The following MTUS2 variants were observed in gnomAD, a reference collection of about 807,000 sequenced individuals.
The protein encoded by MTUS2 is microtubule-associated tumor suppressor candidate 2.
Under a neutral mutation model 114.1 loss-of-function variants are expected in MTUS2, and 40 were observed. The observed-to-expected ratio is 0.35, with a 90% CI of 0.27 to 0.46. The LOEUF (loss-of-function observed/expected upper bound fraction) is 0.46. Ranked by LOEUF, MTUS2 falls within the 20% of genes least tolerant of loss-of-function variation. MTUS2 has a pLI of 1.00. For missense variants in MTUS2, 1,679 were observed against 1,705.4 expected (o/e 0.98, Z 0.27); for synonymous variants, 688 against 672.0 (o/e 1.02, Z -0.37).
At chr13:29,082,815 G>C (rs982154067) in intron 4 of MTUS2, among the ~76,000 whole-genome samples, 1 of 152,150 alleles carries the variant, frequency 6.6e-6, no homozygotes, top group East Asian at 1.9e-4. Flanking sequence ...AGGGGGTTCA[G>C]TTTCTTGTAT....
intron 2 of MTUS2, among the ~76,000 whole-genome samples, chr13:29,022,550 G>C (rs1886336557): frequency 6.6e-6 from 1 of 152,186 alleles, no homozygotes; most frequent in Admixed American, 6.5e-5. Flanking sequence ...AAACAAGTGG[G>C]TGGCCACGTT....
At chr13:28,938,958 C>T (rs1226565521) in intron 2 of MTUS2, among the ~76,000 whole-genome samples, 1 of 152,174 alleles carries the variant, frequency 6.6e-6, no homozygotes, top group Non-Finnish European at 1.5e-5. Flanking sequence ...GTGGACTGTG[C>T]AATCAGATTT....
At chr13:28,893,525 G>A (rs1300745185) in intron 2 of MTUS2, among the ~76,000 whole-genome samples, 2 of 152,176 alleles carry the variant, frequency 1.3e-5, no homozygotes, top group Non-Finnish European at 2.9e-5. Context: ...GCCAGGCACA[G>A]GCTATATTAT....
intron 2 of MTUS2, among the ~76,000 whole-genome samples, chr13:28,896,658 A>G (rs948181405): frequency 6.6e-6 from 1 of 152,230 alleles, no homozygotes; most frequent in Non-Finnish European, 1.5e-5. Context: ...ACTATACTAC[A>G]AGGCTACAGT....
At chr13:29,206,589 G>A (rs1324653432) in intron 5 of MTUS2, among the ~76,000 whole-genome samples, 2 of 152,056 alleles carry the variant, frequency 1.3e-5, no homozygotes, top group South Asian at 2.1e-4. Flanking sequence ...TTTTTATAAG[G>A]TGAGAGATGA....
chr13:29,349,532 T>C (rs1464204481), intron 7 of MTUS2, among the ~76,000 whole-genome samples: 1 of 151,442 alleles, frequency 6.6e-6, no homozygotes, highest in African/African-American at 2.4e-5. Context: ...TCATTTTTCT[T>C]CTGCCTGAAG....
intron 6 of MTUS2, among the ~76,000 whole-genome samples, chr13:29,294,965 T>A (rs1437340911): frequency 6.6e-6 from 1 of 152,180 alleles, no homozygotes; most frequent in Non-Finnish European, 1.5e-5. Context: ...TTCTTGGAAA[T>A]GTGCAGGGTT....
At chr13:29,320,611 C>CT in intron 6 of MTUS2, among the ~76,000 whole-genome samples, 1 of 152,314 alleles carries the variant, frequency 6.6e-6, no homozygotes. Context: ...CTGGAGGATG[C>CT]TTACCCCACA....
At chr13:29,251,037 T>C (rs1897107001) in intron 5 of MTUS2, among the ~76,000 whole-genome samples, 1 of 152,156 alleles carries the variant, frequency 6.6e-6, no homozygotes, top group South Asian at 2.1e-4. Context: ...CATGAAATGC[T>C]CCCTCTTTTC....
chr13:28,903,414 TC>T (rs1359791368), intron 2 of MTUS2, among the ~76,000 whole-genome samples: 6 of 72,678 alleles, frequency 8.3e-5, no homozygotes, highest in Non-Finnish European at 1.5e-4. Context: ...CCCTCCCCCC[TC>T]CCCCCACCCC....
chr13:29,260,872 T>C (rs1897447464), intron 5 of MTUS2, among the ~76,000 whole-genome samples: 2 of 152,192 alleles, frequency 1.3e-5, no homozygotes, highest in East Asian at 1.9e-4. Context: ...AGATTGCTAC[T>C]GGCATCTAGT....
intron 8 of MTUS2, among the ~76,000 whole-genome samples, chr13:29,405,717 T>C (rs1457208322): frequency 3.3e-5 from 5 of 151,406 alleles, no homozygotes; most frequent in Admixed American, 6.6e-5. Context: ...AGAATTATAT[T>C]ATGACGACCA....
intron 2 of MTUS2, among the ~76,000 whole-genome samples, chr13:28,854,858 G>A (rs1876519881): frequency 1.3e-5 from 2 of 152,184 alleles, no homozygotes; most frequent in South Asian, 4.1e-4. Context: ...GTGTCCAGTA[G>A]CAGCTTAGTA....
At chr13:29,095,246 A>T (rs1890128661) in intron 4 of MTUS2, among the ~76,000 whole-genome samples, 3 of 152,088 alleles carry the variant, frequency 2.0e-5, no homozygotes. Flanking sequence ...AAAGTGAGGT[A>T]TTGAAGTCTC....
At chr13:29,056,539 G>A (rs1303864286) in intron 4 of MTUS2, among the ~76,000 whole-genome samples, 1 of 152,002 alleles carries the variant, frequency 6.6e-6, no homozygotes, top group African/African-American at 2.4e-5. Flanking sequence ...TATGTTCAGG[G>A]ATTGAATTTC....
intron 6 of MTUS2, among the ~76,000 whole-genome samples, chr13:29,304,458 T>TG (rs765436804): frequency 4.0e-5 from 6 of 150,908 alleles, no homozygotes; most frequent in African/African-American, 1.5e-4. Context: ...ACCACACTAA[T>TG]GGAAAAAAAG....
intron 5 of MTUS2, among the ~76,000 whole-genome samples, chr13:29,174,691 A>C (rs916289455): frequency 5.3e-5 from 8 of 152,304 alleles, no homozygotes; most frequent in Admixed American, 2.0e-4. Flanking sequence ...TTATAATACC[A>C]ACATAGTCCA....
chr13:29,250,656 T>G (rs1411595505), intron 5 of MTUS2: 1 of 151,984 alleles, frequency 6.6e-6, no homozygotes, highest in Non-Finnish European at 1.5e-5. Context: ...AGGGAATGAT[T>G]TTGATTCTAT....
intron 2 of MTUS2, among the ~76,000 whole-genome samples, chr13:28,919,304 T>C (rs1880913550): frequency 6.6e-6 from 1 of 152,122 alleles, no homozygotes; most frequent in East Asian, 1.9e-4. Context: ...AGGTCTTTAT[T>C]TCTTCTGCTT....
Sources: allele counts gnomAD v4.1 joint callset (sites outside exome capture counted in the v4.1 genomes callset), GRCh38; gene constraint gnomAD v4.1.1; transcripts MANE v1.5; gene names NCBI Gene and HGNC (gene_info 2026-07-23, HGNC 2026-07-21).